The following SLC24A2 variants were observed in gnomAD, a reference collection of about 807,000 sequenced individuals.
The protein encoded by SLC24A2 is solute carrier family 24 member 2.
SLC24A2 carries 36 observed loss-of-function variants against 62.0 expected under a neutral mutation model. The observed-to-expected ratio is 0.58, with a 90% CI of 0.44 to 0.77. The LOEUF (loss-of-function observed/expected upper bound fraction) is 0.77, where lower values mean the gene tolerates loss of function less well. SLC24A2 is among the 30% of genes least tolerant of loss of function. The pLI is 0.00. For synonymous variants in SLC24A2, 358 were observed against 294.0 expected, an observed-to-expected ratio of 1.22 and a Z score of -2.23; for missense variants, 846 against 817.9, an observed-to-expected ratio of 1.03 and a Z score of -0.42.
At chr9:20,030,519 G>A in the SLC24A2 span, among the ~76,000 whole-genome samples, 5 of 152,158 alleles carry the variant, frequency 3.3e-5, no homozygotes, top group Non-Finnish European at 7.3e-5. Flanking sequence ...CCAATACGGT[G>A]AGCCAGTCAT....
chr9:20,189,922 G>C, the SLC24A2 span, among the ~76,000 whole-genome samples: 1 of 152,160 alleles, frequency 6.6e-6, no homozygotes, highest in African/African-American at 2.4e-5. Flanking sequence ...TCAGTCTAAG[G>C]GTGCTGGGAG....
chr9:20,165,118 AAAACTT>A, the SLC24A2 span, among the ~76,000 whole-genome samples: 1 of 151,920 alleles, frequency 6.6e-6, no homozygotes, highest in Non-Finnish European at 1.5e-5. Flanking sequence ...CATGTACCCT[AAAACTT>A]AAAGTATAAT....
At chr9:20,257,047 T>C in the SLC24A2 span, among the ~76,000 whole-genome samples, 1 of 152,148 alleles carries the variant, frequency 6.6e-6, no homozygotes, top group Non-Finnish European at 1.5e-5. Flanking sequence ...CTTAATCATT[T>C]CAGAGAATCA....
chr9:19,845,720 T>C, the SLC24A2 span, among the ~76,000 whole-genome samples: 1 of 152,142 alleles, frequency 6.6e-6, no homozygotes, highest in Non-Finnish European at 1.5e-5. Flanking sequence ...TTGAAGTAGA[T>C]GTTTAGTGCT....
chr9:19,979,632 C>T, the SLC24A2 span, among the ~76,000 whole-genome samples: 3 of 152,110 alleles, frequency 2.0e-5, no homozygotes, highest in African/African-American at 7.2e-5. Context: ...CTACAAATGG[C>T]CTTGCTCTCT....
intron 3 of SLC24A2, among the ~76,000 whole-genome samples, chr9:19,621,221 A>G (rs1489339633): frequency 6.6e-6 from 1 of 152,270 alleles, no homozygotes; most frequent in Non-Finnish European, 1.5e-5. Context: ...ACTATGAGAT[A>G]CCAGAAGAAA....
At chr9:19,965,886 A>G in the SLC24A2 span, among the ~76,000 whole-genome samples, 1 of 152,138 alleles carries the variant, frequency 6.6e-6, no homozygotes, top group Admixed American at 6.6e-5. Context: ...CATTCCTTAA[A>G]ACTATGAGTA....
intron 2 of SLC24A2, among the ~76,000 whole-genome samples, chr9:19,768,852 C>A (rs1822596752): frequency 1.3e-5 from 2 of 152,176 alleles, no homozygotes; most frequent in Admixed American, 1.3e-4. Context: ...AGTAGCTGCA[C>A]CTCCCAGGCT....
At chr9:20,299,578 G>T in the SLC24A2 span, among the ~76,000 whole-genome samples, 3 of 152,322 alleles carry the variant, frequency 2.0e-5, no homozygotes, top group East Asian at 5.8e-4. Flanking sequence ...CCAGGAAGGG[G>T]AGGTTCCTTA....
the SLC24A2 span, among the ~76,000 whole-genome samples, chr9:19,932,474 C>G: frequency 6.6e-6 from 1 of 152,102 alleles, no homozygotes; most frequent in African/African-American, 2.4e-5. Flanking sequence ...GCCAAAAAAA[C>G]CAAGGTGGGG....
intron 5 of SLC24A2, among the ~76,000 whole-genome samples, chr9:19,588,369 G>C (rs1836438477): frequency 6.6e-6 from 1 of 151,976 alleles, no homozygotes. Context: ...GTAATTGCAA[G>C]GTAGAAAGTC....
chr9:20,164,806 A>T, the SLC24A2 span, among the ~76,000 whole-genome samples: 1 of 151,674 alleles, frequency 6.6e-6, no homozygotes, highest in Non-Finnish European at 1.5e-5. Flanking sequence ...ATGCAGCCAT[A>T]AAAAATGATG....
chr9:19,597,864 T>A (rs138716344), intron 4 of SLC24A2, among the ~76,000 whole-genome samples: 1 of 152,270 alleles, frequency 6.6e-6, no homozygotes, highest in East Asian at 1.9e-4. Context: ...AAAGGAGGCA[T>A]GTTCCCAGGG....
At chr9:20,213,293 G>A in the SLC24A2 span, among the ~76,000 whole-genome samples, 1 of 151,692 alleles carries the variant, frequency 6.6e-6, no homozygotes, top group Non-Finnish European at 1.5e-5. Flanking sequence ...TATTTAGAAA[G>A]CAAATAACTA....
chr9:19,985,776 TAA>T, the SLC24A2 span, among the ~76,000 whole-genome samples: 2 of 152,064 alleles, frequency 1.3e-5, no homozygotes, highest in Non-Finnish European at 2.9e-5. Flanking sequence ...TATTAAAAAG[TAA>T]AAAGTGAACC....
the SLC24A2 span, among the ~76,000 whole-genome samples, chr9:20,069,551 C>G: frequency 6.6e-6 from 1 of 152,194 alleles, no homozygotes; most frequent in African/African-American, 2.4e-5. Flanking sequence ...CACCCCAAAA[C>G]CATCCAGGCA....
intron 5 of SLC24A2, among the ~76,000 whole-genome samples, chr9:19,583,120 G>A (rs117441314): frequency 0.034 from 5,181 of 152,160 alleles, 321 homozygotes; most frequent in East Asian, 0.29. Flanking sequence ...TACTGATTCT[G>A]TGCAGTGAAA....
At chr9:19,657,829 G>A (rs1442003953) in intron 2 of SLC24A2, among the ~76,000 whole-genome samples, 1 of 152,054 alleles carries the variant, frequency 6.6e-6, no homozygotes, top group Non-Finnish European at 1.5e-5. Flanking sequence ...CTGGACTGAA[G>A]CAATTCTCCC....
At chr9:19,929,733 G>C in the SLC24A2 span, 1 of 152,600 alleles carries the variant, frequency 6.6e-6, no homozygotes, top group Admixed American at 6.5e-5. Flanking sequence ...AGGTGTTCCA[G>C]AAGAAGGCAT....
Sources: gnomAD v4.1 joint callset for allele counts (sites outside exome capture counted in the v4.1 genomes callset) on GRCh38, gnomAD v4.1.1 for gene constraint, MANE v1.5 for transcripts, NCBI Gene and HGNC (gene_info 2026-07-23, HGNC 2026-07-21) for gene names.